The following ARHGEF28 variants were observed in gnomAD, a reference collection of about 807,000 sequenced individuals.
ARHGEF28 encodes Rho guanine nucleotide exchange factor 28, also known as 190 kDa guanine nucleotide exchange factor.
In ARHGEF28, 152 loss-of-function variants were observed where a neutral mutation model predicts 206.6. The ratio of observed to expected loss-of-function variants is 0.74; its 90% CI spans 0.64 to 0.84. ARHGEF28 has a LOEUF of 0.84. ARHGEF28 is among the 40% of genes least tolerant of loss of function. ARHGEF28 has a pLI of 0.00. For synonymous variants in ARHGEF28, 763 were observed against 776.4 expected, an observed-to-expected ratio of 0.98 and a Z score of 0.29; for missense variants, 2,028 against 2,073.2, an observed-to-expected ratio of 0.98 and a Z score of 0.42.
chr5:73,703,546 G>A, intron 2 of ARHGEF28, among the ~76,000 whole-genome samples: 1 of 152,032 alleles, frequency 6.6e-6, no homozygotes. Flanking sequence ...TACCTTCAAG[G>A]AGTCCAGGAG....
At chr5:73,926,467 C>G (rs1045636645) in intron 35 of ARHGEF28, among the ~76,000 whole-genome samples, 4 of 152,162 alleles carry the variant, frequency 2.6e-5, no homozygotes, top group Non-Finnish European at 5.9e-5. Flanking sequence ...CCATTCAAGA[C>G]CCTCCCAAAC....
intron 2 of ARHGEF28, among the ~76,000 whole-genome samples, chr5:73,711,467 T>G (rs1749241382): frequency 6.6e-6 from 1 of 152,168 alleles, no homozygotes; most frequent in African/African-American, 2.4e-5. Flanking sequence ...ACATTGTATG[T>G]TCTCCATTAA....
intron 2 of ARHGEF28, among the ~76,000 whole-genome samples, chr5:73,723,485 C>T (rs1399260927): frequency 1.3e-5 from 2 of 152,224 alleles, no homozygotes; most frequent in African/African-American, 4.8e-5. Context: ...CACACCCAGC[C>T]CCAAGAATGT....
intron 12 of ARHGEF28, among the ~76,000 whole-genome samples, chr5:73,847,473 C>T (rs1758436105): frequency 6.6e-6 from 1 of 152,152 alleles, no homozygotes. Flanking sequence ...TTACCCTCTG[C>T]TCTAAGACCT....
At chr5:73,844,269 G>A (rs1174664000) in intron 11 of ARHGEF28, among the ~76,000 whole-genome samples, 4 of 152,240 alleles carry the variant, frequency 2.6e-5, no homozygotes, top group African/African-American at 7.2e-5. Flanking sequence ...TGTTAAAATC[G>A]GATATTATTG....
At chr5:73,820,814 G>A (rs150103511) in intron 9 of ARHGEF28, among the ~76,000 whole-genome samples, 160 of 152,228 alleles carry the variant, frequency 1.1e-3, no homozygotes, top group Non-Finnish European at 1.8e-3. Flanking sequence ...CACCATGCAG[G>A]CACCTGAGAG....
intron 4 of ARHGEF28, among the ~76,000 whole-genome samples, chr5:73,770,947 C>G (rs1198291635): frequency 6.6e-6 from 1 of 152,180 alleles, no homozygotes; most frequent in Non-Finnish European, 1.5e-5. Context: ...ATTAGCAGAA[C>G]AAGCTTGGAG....
chr5:73,898,824 T>A (rs1377858211), intron 30 of ARHGEF28: 1 of 152,244 alleles, frequency 6.6e-6, no homozygotes, highest in Non-Finnish European at 1.5e-5. Context: ...GTTTCTAAGA[T>A]AAGAGCATAA....
At chr5:73,705,860 G>C (rs1009027668) in intron 2 of ARHGEF28, among the ~76,000 whole-genome samples, 1 of 152,216 alleles carries the variant, frequency 6.6e-6, no homozygotes, top group African/African-American at 2.4e-5. Flanking sequence ...CCCTGGCAGT[G>C]AATGAAGTGA....
intron 8 of ARHGEF28, 133 bp from the exon 9 acceptor site, chr5:73,795,198 G>T (rs1754730513): frequency 2.7e-6 from 2 of 750,560 alleles, no homozygotes; most frequent in Non-Finnish European, 4.4e-6. Flanking sequence ...CTAGTTTTCT[G>T]TTTACATGTG....
intron 33 of ARHGEF28, among the ~76,000 whole-genome samples, chr5:73,905,695 C>T (rs1762512787): frequency 6.6e-6 from 1 of 152,116 alleles, no homozygotes; most frequent in African/African-American, 2.4e-5. Context: ...GGGGTTTATT[C>T]AATCCCTTAT....
At chr5:73,699,163 G>T (rs1191801204) in intron 2 of ARHGEF28, among the ~76,000 whole-genome samples, 1 of 151,842 alleles carries the variant, frequency 6.6e-6, no homozygotes, top group East Asian at 1.9e-4. Flanking sequence ...GTGTGTGTGT[G>T]TGTATGTGTG....
chr5:73,835,629 G>A (rs975236640), intron 10 of ARHGEF28, among the ~76,000 whole-genome samples: 1 of 152,142 alleles, frequency 6.6e-6, no homozygotes, highest in Non-Finnish European at 1.5e-5. Flanking sequence ...ACTGTTCTCT[G>A]TATCTTTTGT....
chr5:73,654,790 C>A (rs1317959263), intron 1 of ARHGEF28, among the ~76,000 whole-genome samples: 1 of 152,142 alleles, frequency 6.6e-6, no homozygotes, highest in Non-Finnish European at 1.5e-5. Context: ...GTTTCTACCC[C>A]TTGTGTGTCT....
At chr5:73,821,936 G>A (rs903776744) in intron 9 of ARHGEF28, among the ~76,000 whole-genome samples, 10 of 152,096 alleles carry the variant, frequency 6.6e-5, no homozygotes, top group African/African-American at 2.4e-4. Flanking sequence ...ACTACAATGC[G>A]GAGTGAGGAC....
At chr5:73,629,148 T>G (rs1743198741) in intron 1 of ARHGEF28, among the ~76,000 whole-genome samples, 1 of 151,940 alleles carries the variant, frequency 6.6e-6, no homozygotes, top group Non-Finnish European at 1.5e-5. Flanking sequence ...GGCTTTAGAG[T>G]TTTTAGGGTC....
chr5:73,779,559 G>A lies in ARHGEF28; in HGVS notation c.841-1117G>A, dbSNP rs191270597. Among the ~76,000 whole-genome samples the A allele has an allele frequency of 9.3e-4, 139 of 150,090 alleles. 2 individuals are homozygous for A. Among genetic ancestry groups the A allele is most frequent in the African/African-American group, 3.1e-3 (129 of 41,324 alleles). On this transcript the variant is annotated intron_variant, in intron 6 of 35. Transcript: ENST00000513042. Reference sequence around the variant, plus strand: ...ACTCTCACTCTCTTCATTGAAAGACGGGGGGTCAGGGCTAAGGTTCAGCCC... The same window carrying A: ...ACTCTCACTCTCTTCATTGAAAGACAGGGGGTCAGGGCTAAGGTTCAGCCC...
intron 20 of ARHGEF28, among the ~76,000 whole-genome samples, chr5:73,869,229 G>GA (rs368798213): frequency 0.013 from 1,666 of 125,602 alleles, 69 homozygotes; most frequent in African/African-American, 0.045. Context: ...GGGTGGAGGG[G>GA]GGTGGGGAAG....
At chr5:73,837,255 G>C (rs895195887) in intron 10 of ARHGEF28, among the ~76,000 whole-genome samples, 4 of 152,046 alleles carry the variant, frequency 2.6e-5, no homozygotes, top group Admixed American at 6.6e-5. Context: ...ACTTTGGGTA[G>C]TATGGATATT....
Sources: gnomAD v4.1 joint callset for allele counts (sites outside exome capture counted in the v4.1 genomes callset) on GRCh38, gnomAD v4.1.1 for gene constraint, MANE v1.5 for transcripts, NCBI Gene and HGNC (gene_info 2026-07-23, HGNC 2026-07-21) for gene names.